Variants in CENPP observed in about 807,000 individuals in gnomAD.
The protein encoded by CENPP is centromere protein P.
In CENPP, 24 loss-of-function variants were observed where a neutral mutation model predicts 35.6. That is an observed-to-expected ratio of 0.67 (90% CI 0.49 to 0.95). The LOEUF is 0.95. Ranked by LOEUF, CENPP falls within the 40% of genes least tolerant of loss-of-function variation. The pLI, the probability that CENPP is intolerant of heterozygous loss-of-function variation, is 0.00. For missense variants in CENPP, 332 were observed against 345.3 expected, an observed-to-expected ratio of 0.96 and a Z score of 0.31; for synonymous variants, 120 against 125.5, an observed-to-expected ratio of 0.96 and a Z score of 0.29.
intron 5 of CENPP, among the ~76,000 whole-genome samples, chr9:92,602,520 A>T (rs1290240193): frequency 6.6e-6 from 1 of 152,182 alleles, no homozygotes; most frequent in Non-Finnish European, 1.5e-5. Context: ...CAGATTCAGC[A>T]ATCTGTGGTG....
intron 5 of CENPP, among the ~76,000 whole-genome samples, chr9:92,381,114 T>C (rs774011609): frequency 3.9e-5 from 6 of 152,158 alleles, no homozygotes; most frequent in Non-Finnish European, 7.4e-5. Context: ...AACATACCCA[T>C]TAAACATTAA....
At chr9:92,533,553 A>T (rs1442687173) in intron 5 of CENPP, among the ~76,000 whole-genome samples, 6 of 151,198 alleles carry the variant, frequency 4.0e-5, no homozygotes. Flanking sequence ...TCCCATCCCA[A>T]ATATTGGCCC....
rs143907595 is a variant in CENPP, at chr9:92,390,113, C to T, written c.564+10254C>T. ...GTAAGTAAAATTCTTATTGTATGGACTGAAGAAAAGCATTTGTTTAACAGA... is the reference window on the plus strand; with the variant it reads ...GTAAGTAAAATTCTTATTGTATGGATTGAAGAAAAGCATTTGTTTAACAGA... On this transcript the variant is annotated intron_variant, in intron 5 of 7. Transcript: ENST00000375587. 1,936 of 999,536 alleles carry T rather than the reference C, an allele frequency of 1.9e-3. 27 individuals are homozygous for T. The African/African-American group carries it at 0.027, about 14-fold the overall frequency. The allele number at this position is 999,536 out of a possible 1,614,324, so 61.9% of individuals were successfully genotyped here. A position where few individuals can be genotyped will look rare whatever the true frequency, so the allele number is the denominator to read the frequency against.
intron 5 of CENPP, among the ~76,000 whole-genome samples, chr9:92,589,792 A>G (rs1236545402): frequency 6.6e-6 from 1 of 152,198 alleles, no homozygotes; most frequent in Non-Finnish European, 1.5e-5. Flanking sequence ...GATAGTTCAA[A>G]TTGTTGTTGA....
At chr9:92,417,562 C>CTT (rs368853000) in intron 5 of CENPP, 70 of 1,214,762 alleles carry the variant, frequency 5.8e-5, no homozygotes, top group Non-Finnish European at 6.6e-5. Context: ...AACCCATCTT[C>CTT]TTTTTTTTTT....
At chr9:92,334,640 G>A (rs1295277913) in intron 2 of CENPP, among the ~76,000 whole-genome samples, 1 of 152,090 alleles carries the variant, frequency 6.6e-6, no homozygotes. Flanking sequence ...AGCACTTTGG[G>A]AGGCCTATGT....
At position 92,374,241 on chromosome 9, in the gene CENPP, CTGTGTG is replaced by C. The variant is rs10569730; in HGVS notation, c.468-5486_468-5481del. Among the ~76,000 whole-genome samples, 704 of 142,842 alleles carry C rather than the reference CTGTGTG, an allele frequency of 4.9e-3. 6 individuals are homozygous for C. Among genetic ancestry groups the C allele is most frequent in the African/African-American group, 8.6e-3 (332 of 38,402 alleles). The allele number at this position is 142,842 out of a possible 152,430, so 93.7% of individuals were successfully genotyped here. A position where few individuals can be genotyped will look rare whatever the true frequency, so the allele number is the denominator to read the frequency against. ...TTTACTTCTGCTGTTTTGCTGTTTG[CTGTGTG>C]TGTGTGTGTGTGTGTGTGTGTGTGT... On this transcript the variant is annotated intron_variant, in intron 4 of 7. Coordinates refer to ENST00000375587, the MANE Select transcript of CENPP (RefSeq NM_001012267.3).
intron 5 of CENPP, among the ~76,000 whole-genome samples, chr9:92,487,221 CTG>C (rs891439799): frequency 3.3e-5 from 5 of 152,208 alleles, no homozygotes; most frequent in African/African-American, 1.2e-4. Flanking sequence ...GTTTCCAGAT[CTG>C]TGTTTCTAAA....
At chr9:92,547,353 A>G (rs1184722623) in intron 5 of CENPP, among the ~76,000 whole-genome samples, 1 of 152,246 alleles carries the variant, frequency 6.6e-6, no homozygotes, top group African/African-American at 2.4e-5. Context: ...CTTGAGGACA[A>G]TTGTTCATTG....
chr9:92,524,713 A>G (rs1005682575), intron 5 of CENPP, among the ~76,000 whole-genome samples: 1 of 152,218 alleles, frequency 6.6e-6, no homozygotes, highest in Non-Finnish European at 1.5e-5. Context: ...CCCAGGGATC[A>G]TAAGAACCCA....
rs780189797 is a variant in CENPP at position 92,604,080 on chromosome 9, T to C, written c.565-7234T>C. Among the ~76,000 whole-genome samples the C allele has an allele frequency of 3.3e-5, 5 of 152,224 alleles. No homozygotes were observed. In the South Asian group the frequency reaches 6.2e-4, roughly 19 times the overall value. On this transcript the variant is annotated intron_variant, in intron 5 of 7. Coordinates refer to ENST00000375587, the MANE Select transcript of CENPP (RefSeq NM_001012267.3). ...TTTTCCTTTCTCTTGGGTAAATATG[T>C]AGGAGAGGGATTGCTGGATCACGTA...
chr9:92,572,697 T>G (rs1850174351), intron 5 of CENPP, among the ~76,000 whole-genome samples: 1 of 152,194 alleles, frequency 6.6e-6, no homozygotes. Context: ...CCAACTTGGT[T>G]CCATTCTCCC....
chr9:92,329,603 T>C (rs900786125), intron 1 of CENPP, among the ~76,000 whole-genome samples: 4 of 152,164 alleles, frequency 2.6e-5, no homozygotes, highest in African/African-American at 7.2e-5. Flanking sequence ...GGCATGATTA[T>C]GACTCACTGC....
At chr9:92,494,343 C>T (rs148546282) in intron 5 of CENPP, among the ~76,000 whole-genome samples, 2 of 152,326 alleles carry the variant, frequency 1.3e-5, no homozygotes, top group East Asian at 3.9e-4. Flanking sequence ...AAGTGTTGCA[C>T]AAGGGTTGTT....
intron 4 of CENPP, among the ~76,000 whole-genome samples, chr9:92,359,663 G>C (rs1841689164): frequency 1.3e-5 from 2 of 152,208 alleles, no homozygotes; most frequent in South Asian, 4.1e-4. Context: ...TTCAACTGGA[G>C]GAAGCAGGGT....
At chr9:92,599,605 C>T (rs1040365438) in intron 5 of CENPP, among the ~76,000 whole-genome samples, 9 of 152,020 alleles carry the variant, frequency 5.9e-5, no homozygotes, top group East Asian at 1.9e-4. Context: ...TTAGTACAGA[C>T]GGGGTTTCAC....
intron 5 of CENPP, among the ~76,000 whole-genome samples, chr9:92,598,360 C>T (rs1309152574): frequency 3.9e-5 from 6 of 152,212 alleles, no homozygotes; most frequent in Non-Finnish European, 8.8e-5. Flanking sequence ...CTCCTCTGAG[C>T]TTTCTATAAT....
At chr9:92,490,669 G>A (rs1337440489) in intron 5 of CENPP, among the ~76,000 whole-genome samples, 1 of 152,198 alleles carries the variant, frequency 6.6e-6, no homozygotes, top group Non-Finnish European at 1.5e-5. Flanking sequence ...TTTATGGTAT[G>A]TTTAAATGAT....
rs74974807 is a variant in CENPP, at chr9:92,380,025, T to A, written c.564+166T>A. ...TTGGAATAACTGGAGGAGGATTACT[T>A]CTGTACAAATCAGTGAACAATTTAT... On this transcript the variant is annotated intron_variant, in intron 5 of 7. Coordinates refer to ENST00000375587, the MANE Select transcript of CENPP (RefSeq NM_001012267.3). 4.8e-3 allele frequency among the ~76,000 whole-genome samples: 737 copies of A among 152,348 alleles called. 5 individuals are homozygous for A. Among genetic ancestry groups the A allele is most frequent in the African/African-American group, 0.015 (643 of 41,578 alleles).
Sources: allele counts gnomAD v4.1 joint callset (sites outside exome capture counted in the v4.1 genomes callset), GRCh38; gene constraint gnomAD v4.1.1; transcripts MANE v1.5; gene names NCBI Gene and HGNC (gene_info 2026-07-23, HGNC 2026-07-21).